Variants in PIEZO2 observed in about 807,000 individuals in gnomAD.
The protein encoded by PIEZO2 is piezo type mechanosensitive ion channel component 2.
Under a neutral mutation model 337.3 loss-of-function variants are expected in PIEZO2, and 172 were observed. That is an observed-to-expected ratio of 0.51 (90% CI 0.45 to 0.58). The LOEUF is 0.58. Ranked by LOEUF, PIEZO2 falls within the 20% of genes least tolerant of loss-of-function variation. The probability of loss-of-function intolerance (pLI) is 0.00; values close to 1 mark genes in which losing one functional copy is unlikely to be tolerated. For missense variants in PIEZO2, 3,028 were observed against 3,391.3 expected (o/e 0.89, Z 2.66); for synonymous variants, 1,251 against 1,228.5 (o/e 1.02, Z -0.38).
At chr18:10,947,619 G>C (rs1427690261) in intron 3 of PIEZO2, among the ~76,000 whole-genome samples, 1 of 152,104 alleles carries the variant, frequency 6.6e-6, no homozygotes, top group African/African-American at 2.4e-5. Flanking sequence ...CCTTCAGATG[G>C]AAGGAAATGA....
chr18:10,697,897 A>T lies in PIEZO2; in HGVS notation c.6695-17T>A. ...TTGTGCTGCCTAGAAATAAAAAGAG[A>T]TCATAAGATGGGTGGTGGAGCCTGG... On this transcript the variant is annotated splice_polypyrimidine_tract_variant and intron_variant, in intron 44 of 55. Transcript: ENST00000674853. 1 of 1,597,534 alleles carries T rather than the reference A, an allele frequency of 6.3e-7. No homozygotes were observed. Among genetic ancestry groups the T allele is most frequent in the Non-Finnish European group, 8.5e-7 (1 of 1,170,214 alleles).
rs968960511 is a variant in PIEZO2, at chr18:11,016,439, G to T, written c.161-36779C>A. Among the ~76,000 whole-genome samples, 2 of 152,190 alleles carry T rather than the reference G, an allele frequency of 1.3e-5. No individual in the cohort carries two copies. The highest frequency in any genetic ancestry group is 4.8e-5 in the African/African-American group (2 of 41,442). ...ACCAAAACCCAGACAATTCCCTTCAGGGGCCCCAGAGAGAAAGTGAACCCC... is the reference window on the plus strand; with the variant it reads ...ACCAAAACCCAGACAATTCCCTTCATGGGCCCCAGAGAGAAAGTGAACCCC... On this transcript the variant is annotated intron_variant, in intron 2 of 55. Coordinates refer to ENST00000674853, the MANE Select transcript of PIEZO2 (RefSeq NM_001378183.1). This position sits in a 1 kb window ranked among gnomAD's most constrained non-coding sequence, Gnocchi z 5.6.
intron 1 of PIEZO2, among the ~76,000 whole-genome samples, chr18:11,103,144 T>C (rs1488262077): frequency 2.0e-5 from 3 of 152,190 alleles, no homozygotes; most frequent in Non-Finnish European, 4.4e-5. Context: ...TGGATTTCTA[T>C]CACATGACAT....
chr18:10,712,918 A>G (rs2035876016), intron 39 of PIEZO2, among the ~76,000 whole-genome samples: 1 of 152,218 alleles, frequency 6.6e-6, no homozygotes, highest in African/African-American at 2.4e-5. Context: ...ATAAAAATAT[A>G]CAATAATAGA....
At chr18:10,822,166 T>A (rs2040539265) in intron 7 of PIEZO2, among the ~76,000 whole-genome samples, 1 of 152,232 alleles carries the variant, frequency 6.6e-6, no homozygotes, top group Non-Finnish European at 1.5e-5. Flanking sequence ...TCTCTCAACG[T>A]CTGCATTTAA....
intron 29 of PIEZO2, 117 bp downstream of exon 29, chr18:10,749,973 GA>G: frequency 1.4e-6 from 1 of 706,306 alleles, no homozygotes; most frequent in Non-Finnish European, 2.4e-6. Flanking sequence ...CCTCCATCTG[GA>G]GAAAACTGAC....
chr18:10,985,086 G>T (rs573241345), intron 2 of PIEZO2, among the ~76,000 whole-genome samples: 1 of 152,082 alleles, frequency 6.6e-6, no homozygotes, highest in South Asian at 2.1e-4. Flanking sequence ...ACGCAAAAGG[G>T]ATTTCTTCAA....
intron 9 of PIEZO2, 121 bp from the exon 10 acceptor site, chr18:10,801,549 T>A: frequency 1.2e-6 from 1 of 834,798 alleles, no homozygotes; most frequent in Non-Finnish European, 1.9e-6. Context: ...ATTGCTAGTA[T>A]ATTAATATTG....
rs947603660 is a variant in PIEZO2 at position 10,672,651 on chromosome 18, T to C, written c.8345+39A>G. The C allele has an allele frequency of 4.4e-6, 7 of 1,586,380 alleles. No individual in the cohort carries two copies. The highest frequency in any genetic ancestry group is 1.9e-5 in the Admixed American group (1 of 52,480). ...CTCTCAACTTTACATGATACAGAAG[T>C]AGACTCTTGTAACTGTGAATTGTTC... On this transcript the variant is annotated intron_variant, in intron 55 of 55. Transcript: ENST00000674853. The surrounding 1 kb of genome is among the most constrained non-coding windows in gnomAD (Gnocchi z 4.7).
rs2038661688 is a variant in PIEZO2, at chr18:10,773,134, G to C, written c.2785+278C>G. 2.0e-5 allele frequency among the ~76,000 whole-genome samples: 3 copies of C among 152,162 alleles called. No individual in the cohort carries two copies. The South Asian group carries it at 6.2e-4, about 32-fold the overall frequency. Reference sequence around the variant, plus strand: ...ACAGAGAGGCTCTGACTGAGGACGTGGTCAACACCATGCCCCACCAGTGTC... The same window carrying C: ...ACAGAGAGGCTCTGACTGAGGACGTCGTCAACACCATGCCCCACCAGTGTC... On this transcript the variant is annotated intron_variant, in intron 20 of 55. Transcript: ENST00000674853. This position sits in a 1 kb window ranked among gnomAD's most constrained non-coding sequence, Gnocchi z 5.3.
intron 7 of PIEZO2, among the ~76,000 whole-genome samples, chr18:10,839,589 T>C (rs911938637): frequency 6.6e-6 from 1 of 152,182 alleles, no homozygotes; most frequent in Non-Finnish European, 1.5e-5. Context: ...AGGGAGGAGA[T>C]GATGGCTGGC....
intron 52 of PIEZO2, among the ~76,000 whole-genome samples, chr18:10,678,182 T>A (rs879804620): frequency 1.3e-5 from 2 of 152,216 alleles, no homozygotes; most frequent in Admixed American, 6.5e-5. Flanking sequence ...TATTCTTATA[T>A]CAACCCAATG....
intron 1 of PIEZO2, among the ~76,000 whole-genome samples, chr18:11,113,173 C>T (rs1482138185): frequency 6.6e-6 from 1 of 152,178 alleles, no homozygotes; most frequent in Non-Finnish European, 1.5e-5. Context: ...ACCCCAGCCC[C>T]TGAAACCCTT....
intron 3 of PIEZO2, among the ~76,000 whole-genome samples, chr18:10,941,451 A>G (rs1291677465): frequency 6.6e-6 from 1 of 152,250 alleles, no homozygotes; most frequent in Non-Finnish European, 1.5e-5. Flanking sequence ...ATTGGAAATG[A>G]ACCCCACACA....
chr18:10,811,062 C>T (rs1158678182), intron 7 of PIEZO2, among the ~76,000 whole-genome samples: 1 of 152,168 alleles, frequency 6.6e-6, no homozygotes, highest in Non-Finnish European at 1.5e-5. Flanking sequence ...ATCATTCTTT[C>T]CTTCAGGCCT....
In PIEZO2 at chr18:11,032,823, T is replaced by G. The variant is rs2145770659; in HGVS notation, c.160+33304A>C. Among the ~76,000 whole-genome samples, 2 of 152,350 alleles carry G rather than the reference T, an allele frequency of 1.3e-5. No individual in the cohort carries two copies. Among genetic ancestry groups the G allele is most frequent in the East Asian group, 3.9e-4 (2 of 5,194 alleles). On this transcript the variant is annotated intron_variant, in intron 2 of 55. Coordinates refer to ENST00000674853, the MANE Select transcript of PIEZO2 (RefSeq NM_001378183.1). The surrounding 1 kb of genome is among the most constrained non-coding windows in gnomAD (Gnocchi z 4.9). Reference sequence around the variant, plus strand: ...GAAGTCAGATCGATAAGAACTCTTTTGGACCTCGCCTGTTTAAGTAGCCCA... The same window carrying G: ...GAAGTCAGATCGATAAGAACTCTTTGGGACCTCGCCTGTTTAAGTAGCCCA...
Position 10,971,924 on chromosome 18 carries a change from G to A in PIEZO2, c.286+7611C>T, listed in dbSNP as rs530624451. On this transcript the variant is annotated intron_variant, in intron 3 of 55. Transcript: ENST00000674853. ...AGCAGCCTAAGGCGAGGCACTTTTT[G>A]CCTCTGGGACTCACTTTCCCTACCA... Among the ~76,000 whole-genome samples, 7 of 152,076 alleles carry A rather than the reference G, an allele frequency of 4.6e-5. No individual in the cohort carries two copies. The East Asian group carries it at 1.4e-3, about 29-fold the overall frequency.
rs183353865 is a variant in PIEZO2, at chr18:10,828,561, T to C, written c.918-21287A>G. ...AAAGGTGTGAGTTCTAGGTGGATCA[T>C]TGAATTATTGCAAAGTGTGTGAGAT... On this transcript the variant is annotated intron_variant, in intron 7 of 55. Transcript: ENST00000674853. This position sits in a 1 kb window ranked among gnomAD's most constrained non-coding sequence, Gnocchi z 4.1. Among the ~76,000 whole-genome samples, 9 of 152,278 alleles carry C rather than the reference T, an allele frequency of 5.9e-5. No homozygotes were observed. In the East Asian group the frequency reaches 1.4e-3, roughly 23 times the overall value.
chr18:10,808,067 C>A (rs2040056238), intron 7 of PIEZO2, among the ~76,000 whole-genome samples: 1 of 151,982 alleles, frequency 6.6e-6, no homozygotes. Flanking sequence ...GAGTTTCATA[C>A]CTTTCTACTG....
Sources: allele counts gnomAD v4.1 joint callset (sites outside exome capture counted in the v4.1 genomes callset), GRCh38; gene constraint gnomAD v4.1.1; non-coding constraint Gnocchi (gnomAD v3.1); transcripts MANE v1.5; gene names NCBI Gene and HGNC (gene_info 2026-07-23, HGNC 2026-07-21).